Variants in RYR3 observed in about 807,000 individuals in gnomAD.
RYR3 encodes the protein ryanodine receptor 3, also known as brain ryanodine receptor-calcium release channel.
A neutral mutation model predicts 584.3 loss-of-function variants in RYR3; 207 were observed. The observed-to-expected ratio is 0.35, with a 90% CI of 0.32 to 0.40. The LOEUF (loss-of-function observed/expected upper bound fraction) is 0.40. RYR3 is among the 10% of genes least tolerant of loss of function. The pLI, the probability that RYR3 is intolerant of heterozygous loss-of-function variation, is 1.00. For missense variants in RYR3, 5,616 were observed against 6,089.2 expected, an observed-to-expected ratio of 0.92 and a Z score of 2.59; for synonymous variants, 2,416 against 2,248.5, an observed-to-expected ratio of 1.07 and a Z score of -2.11.
rs752366989 is a variant in RYR3, at chr15:33,838,439, C to A, written c.12459C>A (p.Val4153=). The change falls in exon 89 of 104, where the codon GTC becomes GTA. Residue 4153 remains valine, a synonymous_variant. Coordinates refer to ENST00000634891, the MANE Select transcript of RYR3 (RefSeq NM_001036.6). ...AMACASVKRN[V]TDFLKRATLK... is the part of the protein sequence containing the mutation. ...CCTGTGCCTCTGTGAAGAGGAATGTCACCGACTTCCTGAAGAGAGCAACCC... is the reference window on the plus strand; with the variant it reads ...CCTGTGCCTCTGTGAAGAGGAATGTAACCGACTTCCTGAAGAGAGCAACCC... 1 of 1,614,028 alleles carries A rather than the reference C, an allele frequency of 6.2e-7. No individual in the cohort carries two copies. The highest frequency in any genetic ancestry group is 1.7e-5 in the Admixed American group (1 of 60,016).
At chr15:33,651,838 G>A (rs1163755558) in intron 31 of RYR3, among the ~76,000 whole-genome samples, 2 of 152,130 alleles carry the variant, frequency 1.3e-5, no homozygotes, top group East Asian at 3.9e-4. Flanking sequence ...CACTTCAAGG[G>A]ACCAGGTGCC....
chr15:33,721,593 C>G (rs1375827366), intron 43 of RYR3, among the ~76,000 whole-genome samples: 1 of 152,120 alleles, frequency 6.6e-6, no homozygotes, highest in Non-Finnish European at 1.5e-5. Flanking sequence ...CAAAGTCTTG[C>G]CTTTGAGTAT....
At position 33,543,690 on chromosome 15, in the gene RYR3, A is replaced by G. The variant is rs765416998; in HGVS notation, c.715A>G (p.Thr239Ala). 8.7e-6 allele frequency: 14 copies of G among 1,612,230 alleles called. No homozygotes were observed. The South Asian group carries it at 1.1e-4, about 13-fold the overall frequency. Reference sequence around the variant, plus strand: ...TGATGAATGTTTGACGATACCATCTACAGACCAGAATGATTCCCAGCACAG... The same window carrying G: ...TGATGAATGTTTGACGATACCATCTGCAGACCAGAATGATTCCCAGCACAG... ...GHDECLTIPS[T>A]DQNDSQHRRI... Residue 239 changes from threonine (T) to alanine (A), a missense_variant, in exon 8 of 104, where the codon ACA becomes GCA. Transcript: ENST00000634891.
chr15:33,748,650 C>T, intron 55 of RYR3, 120 bp downstream of exon 55: 1 of 845,910 alleles, frequency 1.2e-6, no homozygotes. Context: ...AAATTCAAAA[C>T]TGAAGACGGT....
intron 1 of RYR3, among the ~76,000 whole-genome samples, chr15:33,462,396 G>A (rs2048112644): frequency 6.6e-6 from 1 of 152,136 alleles, no homozygotes; most frequent in South Asian, 2.1e-4. Flanking sequence ...ATCCCAGAAA[G>A]CACCCTGTAT....
intron 1 of RYR3, among the ~76,000 whole-genome samples, chr15:33,386,237 A>G (rs557682798): frequency 1.3e-5 from 2 of 152,314 alleles, no homozygotes; most frequent in East Asian, 3.9e-4. Flanking sequence ...ACTAAATATC[A>G]GAACTCCTGT....
intron 3 of RYR3, among the ~76,000 whole-genome samples, chr15:33,523,897 G>A (rs762986005): frequency 2.6e-5 from 4 of 152,030 alleles, no homozygotes; most frequent in African/African-American, 4.8e-5. Context: ...TAGCGTTTCC[G>A]TGTAACACCA....
chr15:33,651,377 T>C (rs183024992), intron 31 of RYR3, among the ~76,000 whole-genome samples: 5 of 152,386 alleles, frequency 3.3e-5, no homozygotes, highest in Non-Finnish European at 7.3e-5. Context: ...GCTGCAGTTA[T>C]AGAACTCTAA....
At position 33,805,080 on chromosome 15, in the gene RYR3, C is replaced by T. The variant is rs186904688; in HGVS notation, c.10012-2475C>T. 2.6e-5 allele frequency among the ~76,000 whole-genome samples: 4 copies of T among 152,302 alleles called. No individual in the cohort carries two copies. In the East Asian group the frequency reaches 7.7e-4, roughly 29 times the overall value. The stretch of plus-strand genomic sequence containing the variant: ...CATTGTATATTTTGTGTATATAACA[C>T]CAGTTTGCAAATGTATGTTAAGCTA... On this transcript the variant is annotated intron_variant, in intron 69 of 103. Coordinates refer to ENST00000634891, the MANE Select transcript of RYR3 (RefSeq NM_001036.6).
intron 51 of RYR3, among the ~76,000 whole-genome samples, chr15:33,741,951 C>T (rs554844615): frequency 1.3e-5 from 2 of 152,288 alleles, no homozygotes; most frequent in South Asian, 4.1e-4. Context: ...CACTGAGCCC[C>T]AAAAGGTAGA....
At position 33,588,790 on chromosome 15, in the gene RYR3, T is replaced by C. The variant is rs1054817993; in HGVS notation, c.1788+2674T>C. On this transcript the variant is annotated intron_variant, in intron 16 of 103. Transcript: ENST00000634891. Reference sequence around the variant, plus strand: ...GCTGCAAAAATCTGATTTCATTCTTTTTTTATGACTGAACAGTATTCCATT... The same window carrying C: ...GCTGCAAAAATCTGATTTCATTCTTCTTTTATGACTGAACAGTATTCCATT... Among the ~76,000 whole-genome samples the C allele has an allele frequency of 5.9e-4, 88 of 149,084 alleles. 1 individual carries two copies. Among genetic ancestry groups the C allele is most frequent in the African/African-American group, 2.1e-3 (82 of 39,896 alleles).
chr15:33,723,239 A>G (rs1358332566), intron 44 of RYR3, among the ~76,000 whole-genome samples: 2 of 152,318 alleles, frequency 1.3e-5, no homozygotes, highest in South Asian at 2.1e-4. Context: ...TTCCTTCAGT[A>G]TTTTGTCCCA....
chr15:33,332,884 CTATT>C (rs1337783151), intron 1 of RYR3, among the ~76,000 whole-genome samples: 7 of 152,008 alleles, frequency 4.6e-5, no homozygotes, highest in Admixed American at 4.6e-4. Flanking sequence ...ATAAATCTCA[CTATT>C]TACTGTCAGA....
chr15:33,564,836 C>T (rs1460595618), intron 11 of RYR3, among the ~76,000 whole-genome samples: 1 of 152,188 alleles, frequency 6.6e-6, no homozygotes, highest in Non-Finnish European at 1.5e-5. Flanking sequence ...TTTATAAACT[C>T]TCTCCAGCTG....
At chr15:33,511,166 T>C in intron 3 of RYR3, among the ~76,000 whole-genome samples, 1 of 152,094 alleles carries the variant, frequency 6.6e-6, no homozygotes, top group Non-Finnish European at 1.5e-5. Flanking sequence ...GTGGTTCAGC[T>C]GACTTAGGCG....
intron 3 of RYR3, among the ~76,000 whole-genome samples, chr15:33,526,564 T>C (rs2054405293): frequency 6.6e-6 from 1 of 152,190 alleles, no homozygotes; most frequent in South Asian, 2.1e-4. Flanking sequence ...AGAGTAGAAT[T>C]TGTAGTTAGA....
chr15:33,856,963 GTTT>G (rs556547228), intron 98 of RYR3, among the ~76,000 whole-genome samples: 79 of 152,204 alleles, frequency 5.2e-4, no homozygotes, highest in African/African-American at 1.8e-3. Context: ...CCGGCCTGGG[GTTT>G]TTTAAGCAGC....
At chr15:33,404,288 G>T (rs924446677) in intron 1 of RYR3, among the ~76,000 whole-genome samples, 1 of 152,186 alleles carries the variant, frequency 6.6e-6, no homozygotes, top group Non-Finnish European at 1.5e-5. Flanking sequence ...ATGTGTTCAT[G>T]TGCTCGTTTA....
At chr15:33,813,395 G>A (rs1351611129) in intron 73 of RYR3, 72 bp from the exon 74 acceptor site, 1 of 1,325,946 alleles carries the variant, frequency 7.5e-7, no homozygotes, top group Non-Finnish European at 1.1e-6. Context: ...AAGAAGTCTG[G>A]GCTACAGGTG....
Sources: gnomAD v4.1 joint callset for allele counts (sites outside exome capture counted in the v4.1 genomes callset) on GRCh38, gnomAD v4.1.1 for gene constraint, MANE v1.5 for transcripts, NCBI Gene and HGNC (gene_info 2026-07-23, HGNC 2026-07-21) for gene names.